TFPI: variants seen among roughly 807,000 people sequenced by gnomAD.
The protein encoded by TFPI is tissue factor pathway inhibitor.
In TFPI, 15 loss-of-function variants were observed where a neutral mutation model predicts 34.6. That is an observed-to-expected ratio of 0.43 (90% CI 0.29 to 0.67). The LOEUF is 0.67. Among genes scored for constraint, TFPI ranks in the 30% least tolerant of loss-of-function variants. The pLI, the probability that TFPI is intolerant of heterozygous loss-of-function variation, is 0.15. For missense variants in TFPI, 301 were observed against 364.0 expected (o/e 0.83, Z 1.41); for synonymous variants, 105 against 120.1 (o/e 0.87, Z 0.82).
At chr2:187,546,268 A>T (rs2106322813) in intron 1 of TFPI, among the ~76,000 whole-genome samples, 1 of 146,560 alleles carries the variant, frequency 6.8e-6, no homozygotes, top group South Asian at 2.2e-4. Flanking sequence ...TGGACTTTAT[A>T]GTTAAATTTG....
intron 6 of TFPI, among the ~76,000 whole-genome samples, chr2:187,478,012 CA>C (rs1290961121): frequency 6.6e-6 from 1 of 152,092 alleles, no homozygotes; most frequent in Non-Finnish European, 1.5e-5. Flanking sequence ...ATTGGGTTGG[CA>C]GTAGCTTTTT....
intron 1 of TFPI, chr2:187,518,713 G>A (rs889228327): frequency 1.3e-5 from 2 of 152,156 alleles, no homozygotes; most frequent in Non-Finnish European, 2.9e-5. Flanking sequence ...AAGTTCTCCT[G>A]GATAATATCC....
At chr2:187,509,440 G>T (rs1486627081) in intron 1 of TFPI, among the ~76,000 whole-genome samples, 3 of 151,952 alleles carry the variant, frequency 2.0e-5, no homozygotes, top group African/African-American at 4.8e-5. Context: ...GGCTTTTTTT[G>T]GTTGCTAGGC....
At chr2:187,481,082 TTAATAA>T (rs932965888) in intron 6 of TFPI, among the ~76,000 whole-genome samples, 2 of 152,162 alleles carry the variant, frequency 1.3e-5, no homozygotes, top group South Asian at 4.1e-4. Context: ...AATATTTCAC[TTAATAA>T]TAATTGAATT....
chr2:187,494,918 T>C (rs990185771), intron 3 of TFPI, among the ~76,000 whole-genome samples: 6 of 152,118 alleles, frequency 3.9e-5, no homozygotes, highest in Non-Finnish European at 8.8e-5. Flanking sequence ...GGACGGAGTT[T>C]CACCATATTG....
At chr2:187,486,461 A>G (rs1188218064) in intron 4 of TFPI, among the ~76,000 whole-genome samples, 1 of 151,626 alleles carries the variant, frequency 6.6e-6, no homozygotes, top group Non-Finnish European at 1.5e-5. Flanking sequence ...ATACATGTAC[A>G]TAAATATATA....
chr2:187,520,588 T>C (rs1687315433), intron 1 of TFPI: 1 of 152,144 alleles, frequency 6.6e-6, no homozygotes, highest in Non-Finnish European at 1.5e-5. Flanking sequence ...GCTCTTCCTA[T>C]TCGGCCATCT....
At chr2:187,498,438 T>G (rs12612748) in intron 2 of TFPI, among the ~76,000 whole-genome samples, 7,148 of 151,852 alleles carry the variant, frequency 0.047, 208 homozygotes, top group South Asian at 0.11. Flanking sequence ...TAAAACTTTT[T>G]GTAACAAAAT....
chr2:187,472,054 A>G (rs1018842178), intron 6 of TFPI, among the ~76,000 whole-genome samples: 1 of 152,134 alleles, frequency 6.6e-6, no homozygotes, highest in African/African-American at 2.4e-5. Context: ...GAAATAATAT[A>G]AAAGTATAAC....
At chr2:187,531,733 A>C (rs559558521) in intron 1 of TFPI, among the ~76,000 whole-genome samples, 1 of 152,272 alleles carries the variant, frequency 6.6e-6, no homozygotes, top group South Asian at 2.1e-4. Flanking sequence ...CATTTACAAA[A>C]ATAGTTTATT....
chr2:187,476,919 G>A (rs192311156), intron 6 of TFPI, among the ~76,000 whole-genome samples: 1 of 152,210 alleles, frequency 6.6e-6, no homozygotes, highest in East Asian at 1.9e-4. Context: ...GTTTATAGTT[G>A]TATAATGATC....
chr2:187,549,994 T>C (rs1281305634), intron 1 of TFPI, among the ~76,000 whole-genome samples: 2 of 152,076 alleles, frequency 1.3e-5, no homozygotes, highest in African/African-American at 2.4e-5. Flanking sequence ...TCCACCAGAC[T>C]GAGTGGAGAC....
At chr2:187,537,669 T>C (rs1003018089) in intron 1 of TFPI, among the ~76,000 whole-genome samples, 1 of 152,200 alleles carries the variant, frequency 6.6e-6, no homozygotes, top group African/African-American at 2.4e-5. Context: ...ATTCAGGACA[T>C]AGGCATGGCC....
At chr2:187,479,832 A>T (rs1251115090) in intron 6 of TFPI, among the ~76,000 whole-genome samples, 1 of 151,706 alleles carries the variant, frequency 6.6e-6, no homozygotes, top group East Asian at 1.9e-4. Context: ...GAAGAGAGAG[A>T]AATAAACATT....
At chr2:187,467,663 ATAAT>A (rs1046734485) in intron 7 of TFPI, 86 bp downstream of exon 7, 66 of 1,172,812 alleles carry the variant, frequency 5.6e-5, no homozygotes, top group African/African-American at 3.1e-4. Context: ...TATAATAAAG[ATAAT>A]TAATTTCATA....
At chr2:187,547,076 A>C (rs1688905829) in intron 1 of TFPI, 3 of 151,892 alleles carry the variant, frequency 2.0e-5, no homozygotes, top group African/African-American at 7.2e-5. Context: ...ATCTCTGCCT[A>C]GGCAAATACA....
At chr2:187,535,347 T>C (rs1688192166) in intron 1 of TFPI, among the ~76,000 whole-genome samples, 1 of 151,990 alleles carries the variant, frequency 6.6e-6, no homozygotes, top group African/African-American at 2.4e-5. Context: ...AGCAAAACAC[T>C]CCTCAGCAAA....
Position 187,511,580 on chromosome 2 carries a change from C to T in TFPI, c.-2-7810G>A, listed in dbSNP as rs867642902. Among the ~76,000 whole-genome samples, 7 of 152,152 alleles carry T rather than the reference C, an allele frequency of 4.6e-5. No homozygotes were observed. The Middle Eastern group carries it at 0.014, about 296-fold the overall frequency. On this transcript the variant is annotated intron_variant, in intron 1 of 7. Transcript: ENST00000233156. Reference sequence around the variant, plus strand: ...GGAGATTATGGTGTTACTCTGACACCAGGAAAAGTTAGAACTTTATGTGAA... The same window carrying T: ...GGAGATTATGGTGTTACTCTGACACTAGGAAAAGTTAGAACTTTATGTGAA...
At chr2:187,472,559 A>G (rs1227702191) in intron 6 of TFPI, among the ~76,000 whole-genome samples, 3 of 152,178 alleles carry the variant, frequency 2.0e-5, no homozygotes, top group African/African-American at 7.2e-5. Flanking sequence ...TCTCCTATTC[A>G]ACACTTTTTT....
Sources: gnomAD v4.1 joint callset for allele counts (sites outside exome capture counted in the v4.1 genomes callset) on GRCh38, gnomAD v4.1.1 for gene constraint, MANE v1.5 for transcripts, NCBI Gene and HGNC (gene_info 2026-07-23, HGNC 2026-07-21) for gene names.